Variants in INPP5A observed in about 807,000 individuals in gnomAD.
The protein encoded by INPP5A is inositol polyphosphate-5-phosphatase A, also known as 43 kDa inositol polyphosphate 5-phophatase.
INPP5A carries 14 observed loss-of-function variants against 65.2 expected under a neutral mutation model. The ratio of observed to expected loss-of-function variants is 0.21; its 90% CI spans 0.14 to 0.34. The LOEUF is 0.34. INPP5A is among the 10% of genes least tolerant of loss of function. The probability of loss-of-function intolerance (pLI) is 1.00; values close to 1 mark genes in which losing one functional copy is unlikely to be tolerated. For missense variants in INPP5A, 431 were observed against 545.6 expected (o/e 0.79, Z 2.09); for synonymous variants, 207 against 208.3 (o/e 0.99, Z 0.05).
At chr10:132,598,002 G>T (rs1363654888) in intron 1 of INPP5A, among the ~76,000 whole-genome samples, 1 of 152,218 alleles carries the variant, frequency 6.6e-6, no homozygotes, top group Non-Finnish European at 1.5e-5. Context: ...TAGTGACTCT[G>T]GGCCTTTTGG....
intron 1 of INPP5A, among the ~76,000 whole-genome samples, chr10:132,568,862 A>G (rs1216069650): frequency 1.3e-5 from 2 of 151,958 alleles, no homozygotes; most frequent in Non-Finnish European, 1.5e-5. Context: ...TTTACTACAT[A>G]TATTTGCAAA....
At chr10:132,621,606 T>G (rs1353746883) in intron 2 of INPP5A, among the ~76,000 whole-genome samples, 1 of 152,112 alleles carries the variant, frequency 6.6e-6, no homozygotes, top group Non-Finnish European at 1.5e-5. Flanking sequence ...ACAGTTTACA[T>G]GTGAGGGGGT....
Position 132,625,569 on chromosome 10 carries a change from C to G in INPP5A, c.117+17613C>G, listed in dbSNP as rs1447507845. On this transcript the variant is annotated intron_variant, in intron 2 of 15. Coordinates refer to ENST00000368594, the MANE Select transcript of INPP5A (RefSeq NM_005539.5). Reference sequence around the variant, plus strand: ...TTGAGGCACAGGGGTCTCAGACTGGCCGGCAGCTGGCTGAGGGGCACTGAA... The same window carrying G: ...TTGAGGCACAGGGGTCTCAGACTGGGCGGCAGCTGGCTGAGGGGCACTGAA... Among the ~76,000 whole-genome samples, 4 of 152,140 alleles carry G rather than the reference C, an allele frequency of 2.6e-5. No homozygotes were observed. In the East Asian group the frequency reaches 7.7e-4, roughly 29 times the overall value.
chr10:132,771,660 GA>G (rs1846952023), intron 12 of INPP5A, among the ~76,000 whole-genome samples: 1 of 115,732 alleles, frequency 8.6e-6, no homozygotes, highest in African/African-American at 3.7e-5. Flanking sequence ...GCCGCCCCGC[GA>G]AGAGTGGGAC....
chr10:132,631,134 G>C (rs1309306159), intron 2 of INPP5A, among the ~76,000 whole-genome samples: 1 of 152,196 alleles, frequency 6.6e-6, no homozygotes, highest in Non-Finnish European at 1.5e-5. Flanking sequence ...GATCACACAG[G>C]CTGGCCAGGC....
intron 2 of INPP5A, among the ~76,000 whole-genome samples, chr10:132,611,527 G>A (rs1356007557): frequency 2.1e-5 from 3 of 140,318 alleles, no homozygotes; most frequent in East Asian, 2.4e-4. Context: ...GGGAAGGGGC[G>A]AGGCCCTGTC....
At chr10:132,712,754 GTGTC>G (rs1427287985) in intron 8 of INPP5A, among the ~76,000 whole-genome samples, 2 of 151,674 alleles carry the variant, frequency 1.3e-5, no homozygotes, top group African/African-American at 2.4e-5. Context: ...GTAGGTGCAT[GTGTC>G]TGTGTATTTG....
chr10:132,716,152 C>T (rs1322024692), intron 8 of INPP5A, among the ~76,000 whole-genome samples: 1 of 152,244 alleles, frequency 6.6e-6, no homozygotes, highest in Admixed American at 6.5e-5. Flanking sequence ...CTGCACCCGC[C>T]ACGCACCCTG....
At chr10:132,583,438 G>A (rs912586689) in intron 1 of INPP5A, among the ~76,000 whole-genome samples, 2 of 152,148 alleles carry the variant, frequency 1.3e-5, no homozygotes, top group African/African-American at 4.8e-5. Context: ...TTGGCATCGG[G>A]TGAGTCGGCG....
At chr10:132,768,624 A>C (rs1846896787) in intron 12 of INPP5A, among the ~76,000 whole-genome samples, 1 of 152,104 alleles carries the variant, frequency 6.6e-6, no homozygotes, top group African/African-American at 2.4e-5. Flanking sequence ...TGCTTTCCTG[A>C]AGGCTGCCAG....
intron 9 of INPP5A, among the ~76,000 whole-genome samples, chr10:132,740,429 A>G (rs942782150): frequency 6.6e-6 from 1 of 152,204 alleles, no homozygotes; most frequent in Non-Finnish European, 1.5e-5. Context: ...GTGGCGCGGC[A>G]TCCGGGAGCA....
rs1272332299 is a variant in INPP5A, at chr10:132,762,335, A to C, written c.904-3438A>C. Among the ~76,000 whole-genome samples the C allele has an allele frequency of 3.1e-4, 47 of 152,260 alleles. No homozygotes were observed. Among genetic ancestry groups the C allele is most frequent in the Admixed American group, 3.1e-3 (47 of 15,288 alleles). On this transcript the variant is annotated intron_variant, in intron 11 of 15. Coordinates refer to ENST00000368594, the MANE Select transcript of INPP5A (RefSeq NM_005539.5). This position sits in a 1 kb window ranked among gnomAD's most constrained non-coding sequence, Gnocchi z 4.6. ...TGAAACAGCGGAACATCAAAGACGA[A>C]GAGAATATTTTTGAAGCATTGTGGG...
intron 8 of INPP5A, among the ~76,000 whole-genome samples, chr10:132,711,015 A>G (rs995120676): frequency 1.3e-5 from 2 of 152,198 alleles, no homozygotes; most frequent in Admixed American, 1.3e-4. Context: ...AGAGCCCCCA[A>G]GCCCTGGCAA....
At chr10:132,583,963 G>C (rs2071517841) in intron 1 of INPP5A, among the ~76,000 whole-genome samples, 2 of 152,186 alleles carry the variant, frequency 1.3e-5, no homozygotes, top group East Asian at 3.9e-4. Context: ...TGTGCTTGTA[G>C]TCTCAGCTAC....
chr10:132,689,322 C>T (rs1028158981), intron 4 of INPP5A, among the ~76,000 whole-genome samples: 4 of 152,206 alleles, frequency 2.6e-5, no homozygotes, highest in Non-Finnish European at 1.5e-5. Flanking sequence ...TGCCCTCCGT[C>T]TGCAGCTGCG....
chr10:132,668,706 T>C lies in INPP5A; in HGVS notation c.306+18201T>C, dbSNP rs1029015225. 2.0e-5 allele frequency among the ~76,000 whole-genome samples: 3 copies of C among 152,332 alleles called. No homozygotes were observed. The East Asian group carries it at 5.8e-4, about 29-fold the overall frequency. Reference sequence around the variant, plus strand: ...AAGGGCTTATCATTCCTCCTGATGTTTTTATTCTCTTCCGTAGGATTTAAA... The same window carrying C: ...AAGGGCTTATCATTCCTCCTGATGTCTTTATTCTCTTCCGTAGGATTTAAA... On this transcript the variant is annotated intron_variant, in intron 4 of 15. Coordinates refer to ENST00000368594, the MANE Select transcript of INPP5A (RefSeq NM_005539.5).
chr10:132,750,926 T>A (rs995852242), intron 11 of INPP5A, among the ~76,000 whole-genome samples: 2 of 152,218 alleles, frequency 1.3e-5, no homozygotes, highest in Admixed American at 1.3e-4. Context: ...CCTAGCATCC[T>A]GGGCCAGCCA....
chr10:132,781,029 G>C, intron 14 of INPP5A, 112 bp downstream of exon 14: 1 of 750,022 alleles, frequency 1.3e-6, no homozygotes, highest in Non-Finnish European at 2.3e-6. Flanking sequence ...GCAGGTGGGC[G>C]GGGGTTGGCC....
intron 2 of INPP5A, among the ~76,000 whole-genome samples, chr10:132,610,833 A>G (rs923580497): frequency 2.0e-5 from 3 of 152,218 alleles, no homozygotes; most frequent in Non-Finnish European, 2.9e-5. Context: ...TCCAGGGTTT[A>G]TGGTTGGGTT....
Sources: allele counts gnomAD v4.1 joint callset (sites outside exome capture counted in the v4.1 genomes callset), GRCh38; gene constraint gnomAD v4.1.1; non-coding constraint Gnocchi (gnomAD v3.1); transcripts MANE v1.5; gene names NCBI Gene and HGNC (gene_info 2026-07-23, HGNC 2026-07-21).